The following CCDC178 variants were observed in gnomAD, a reference collection of about 807,000 sequenced individuals.
CCDC178 encodes the protein coiled-coil domain containing 178.
A neutral mutation model predicts 117.4 loss-of-function variants in CCDC178; 126 were observed. The ratio of observed to expected loss-of-function variants is 1.07; its 90% CI spans 0.93 to 1.24. The LOEUF (loss-of-function observed/expected upper bound fraction) is 1.24, where lower values mean the gene tolerates loss of function less well. Among genes scored for constraint, CCDC178 ranks in the 50% most tolerant of loss-of-function variants. CCDC178 has a pLI of 0.00. For synonymous variants in CCDC178, 283 were observed against 313.4 expected (o/e 0.90, Z 1.02); for missense variants, 1,030 against 986.9 (o/e 1.04, Z -0.59).
At chr18:33,385,341 G>A (rs779692046) in intron 5 of CCDC178, among the ~76,000 whole-genome samples, 1 of 152,118 alleles carries the variant, frequency 6.6e-6, no homozygotes, top group Non-Finnish European at 1.5e-5. Flanking sequence ...TCCAGGACTT[G>A]AACTCAGCTC....
intron 21 of CCDC178, among the ~76,000 whole-genome samples, chr18:33,001,499 C>T (rs544881271): frequency 7.2e-5 from 11 of 151,744 alleles, no homozygotes; most frequent in East Asian, 1.9e-4. Flanking sequence ...GGCGACAGAG[C>T]GAGACTCTGT....
At chr18:33,316,458 C>G (rs551002926) in intron 11 of CCDC178, among the ~76,000 whole-genome samples, 1 of 152,050 alleles carries the variant, frequency 6.6e-6, no homozygotes, top group Non-Finnish European at 1.5e-5. Flanking sequence ...CTGAGCCCCC[C>G]GCACCCCTCC....
intron 21 of CCDC178, among the ~76,000 whole-genome samples, chr18:33,027,557 C>T (rs1254482378): frequency 6.6e-6 from 1 of 151,560 alleles, no homozygotes; most frequent in Non-Finnish European, 1.5e-5. Flanking sequence ...TATCATAAAG[C>T]ATCAACAATA....
chr18:33,386,035 G>A (rs572898056), intron 5 of CCDC178, among the ~76,000 whole-genome samples: 77 of 152,024 alleles, frequency 5.1e-4, no homozygotes, highest in Non-Finnish European at 9.4e-4. Flanking sequence ...TGACCCCACA[G>A]AAATACAAAC....
At chr18:33,100,101 C>T (rs9956262) in intron 20 of CCDC178, among the ~76,000 whole-genome samples, 4,239 of 151,908 alleles carry the variant, frequency 0.028, 162 homozygotes, top group African/African-American at 0.086. Context: ...GCCTGTGACA[C>T]GCAGCTGACG....
intron 6 of CCDC178, 80 bp downstream of exon 6, chr18:33,369,970 T>G: frequency 8.4e-7 from 1 of 1,187,838 alleles, no homozygotes; most frequent in Non-Finnish European, 1.1e-6. Context: ...GTCCAGAGTT[T>G]CCTGGGTTCT....
chr18:33,416,384 G>A (rs928432112), intron 2 of CCDC178, among the ~76,000 whole-genome samples: 2 of 151,076 alleles, frequency 1.3e-5, no homozygotes, highest in Admixed American at 6.6e-5. Flanking sequence ...CAGAGATCGC[G>A]CCACTGCACT....
chr18:33,077,449 C>T (rs1439485423), intron 21 of CCDC178, among the ~76,000 whole-genome samples: 1 of 151,944 alleles, frequency 6.6e-6, no homozygotes, highest in African/African-American at 2.4e-5. Context: ...TATAATGTTC[C>T]CTAATCCAAT....
intron 20 of CCDC178, among the ~76,000 whole-genome samples, chr18:33,173,894 C>T (rs190831532): frequency 1.1e-3 from 175 of 152,200 alleles, no homozygotes; most frequent in Non-Finnish European, 1.9e-3. Context: ...CCTTGAAAAG[C>T]GCTTATCATG....
At chr18:33,237,207 A>T (rs1318705654) in intron 15 of CCDC178, among the ~76,000 whole-genome samples, 2 of 151,988 alleles carry the variant, frequency 1.3e-5, no homozygotes, top group East Asian at 1.9e-4. Flanking sequence ...ACACTCTACA[A>T]CCCTAGCTGT....
At chr18:33,312,376 C>T (rs2062354990) in intron 11 of CCDC178, among the ~76,000 whole-genome samples, 1 of 152,144 alleles carries the variant, frequency 6.6e-6, no homozygotes, top group Non-Finnish European at 1.5e-5. Context: ...TTTGGAGAAA[C>T]CTTAACAAGG....
At chr18:32,948,125 G>A (rs771800254) in intron 22 of CCDC178, among the ~76,000 whole-genome samples, 32 of 152,146 alleles carry the variant, frequency 2.1e-4, no homozygotes, top group Non-Finnish European at 4.1e-4. Context: ...TTGAAATTAG[G>A]TATTGTAAGT....
intron 20 of CCDC178, among the ~76,000 whole-genome samples, chr18:33,208,753 A>T (rs2059074636): frequency 1.3e-5 from 2 of 152,110 alleles, no homozygotes; most frequent in Admixed American, 1.3e-4. Flanking sequence ...ACTTTTCCAC[A>T]TGAAAGTGTC....
intron 3 of CCDC178, among the ~76,000 whole-genome samples, chr18:33,410,212 GTCTTTTTAATTCGCA>G (rs2063832166): frequency 1.3e-5 from 2 of 152,242 alleles, no homozygotes; most frequent in South Asian, 4.1e-4. Context: ...CAAACTATTA[GTCTTTTTAATTCGCA>G]TTATAATCAA....
chr18:33,295,647 T>C (rs932549922), intron 11 of CCDC178, among the ~76,000 whole-genome samples: 4 of 152,120 alleles, frequency 2.6e-5, no homozygotes, highest in African/African-American at 9.7e-5. Context: ...GAACAGACAC[T>C]GTATGAAAAA....
intron 20 of CCDC178, among the ~76,000 whole-genome samples, chr18:33,173,087 T>C (rs577388826): frequency 2.0e-5 from 3 of 152,308 alleles, no homozygotes; most frequent in Admixed American, 6.5e-5. Context: ...TCTTGCTCTG[T>C]TGACCAGGCT....
At chr18:33,369,431 A>G (rs2063266384) in intron 6 of CCDC178, among the ~76,000 whole-genome samples, 1 of 151,960 alleles carries the variant, frequency 6.6e-6, no homozygotes, top group African/African-American at 2.4e-5. Flanking sequence ...GTCTCTGGAA[A>G]ATTGATCTCC....
At chr18:33,290,060 C>T (rs758221464) in intron 12 of CCDC178, among the ~76,000 whole-genome samples, 5 of 151,994 alleles carry the variant, frequency 3.3e-5, no homozygotes, top group South Asian at 2.1e-4. Context: ...AATCTATCTC[C>T]CTGAGATATT....
At chr18:33,144,479 T>G (rs534702739) in intron 20 of CCDC178, among the ~76,000 whole-genome samples, 1 of 152,188 alleles carries the variant, frequency 6.6e-6, no homozygotes, top group South Asian at 2.1e-4. Flanking sequence ...TATTATAATA[T>G]TATAGTGCTA....
Sources: gnomAD v4.1 joint callset for allele counts (sites outside exome capture counted in the v4.1 genomes callset) on GRCh38, gnomAD v4.1.1 for gene constraint, MANE v1.5 for transcripts, NCBI Gene and HGNC (gene_info 2026-07-23, HGNC 2026-07-21) for gene names.